Variants in HYCC2 observed in about 807,000 individuals in gnomAD.
HYCC2 encodes hyccin PI4KA lipid kinase complex subunit 2.
the HYCC2 span, among the ~76,000 whole-genome samples, chr2:201,015,391 C>T: frequency 2.0e-5 from 3 of 151,954 alleles, no homozygotes; most frequent in African/African-American, 7.3e-5. Flanking sequence ...GTTTTTCTCC[C>T]CCTAGTTTCC....
the HYCC2 span, among the ~76,000 whole-genome samples, chr2:201,012,882 T>C: frequency 2.0e-5 from 3 of 148,494 alleles, no homozygotes; most frequent in Admixed American, 6.7e-5. Flanking sequence ...GAGGCAGAGG[T>C]TGCAGTGAGC....
the HYCC2 span, among the ~76,000 whole-genome samples, chr2:200,984,191 C>T: frequency 6.6e-6 from 1 of 151,934 alleles, no homozygotes; most frequent in African/African-American, 2.4e-5. Context: ...AGGCATCTGC[C>T]ACCATGCTTG....
At chr2:200,986,716 T>C in the HYCC2 span, among the ~76,000 whole-genome samples, 2 of 152,306 alleles carry the variant, frequency 1.3e-5, no homozygotes, top group African/African-American at 4.8e-5. Context: ...TTACAATAAA[T>C]TGTAAAATGT....
the HYCC2 span, among the ~76,000 whole-genome samples, chr2:201,026,459 C>T: frequency 1.3e-5 from 2 of 152,172 alleles, no homozygotes; most frequent in Admixed American, 1.3e-4. Context: ...CTGCACCAAG[C>T]ACACCTAATA....
chr2:201,057,622 G>A, the HYCC2 span, among the ~76,000 whole-genome samples: 1,724 of 152,222 alleles, frequency 0.011, 17 homozygotes, highest in Non-Finnish European at 0.017. Context: ...GCACAAATAA[G>A]CTAGAAGAAC....
At chr2:200,988,356 T>A in the HYCC2 span, 1 of 1,613,846 alleles carries the variant, frequency 6.2e-7, no homozygotes, top group Non-Finnish European at 8.5e-7. Flanking sequence ...CTTTAAGGAC[T>A]TTCTGGCCTT....
At chr2:200,991,087 G>A in the HYCC2 span, among the ~76,000 whole-genome samples, 3 of 152,270 alleles carry the variant, frequency 2.0e-5, no homozygotes, top group African/African-American at 7.2e-5. Flanking sequence ...TTTTTACATA[G>A]AATGAAATAT....
the HYCC2 span, among the ~76,000 whole-genome samples, chr2:201,009,882 T>C: frequency 3.3e-5 from 5 of 151,658 alleles, no homozygotes; most frequent in Admixed American, 6.6e-5. Context: ...GGTGGGCAGA[T>C]CAAGAGGTCA....
At chr2:201,010,295 T>G in the HYCC2 span, among the ~76,000 whole-genome samples, 3 of 152,152 alleles carry the variant, frequency 2.0e-5, no homozygotes, top group African/African-American at 7.2e-5. Context: ...CGGAATTAAT[T>G]AAGCAAATTA....
At chr2:201,035,372 C>G in the HYCC2 span, among the ~76,000 whole-genome samples, 7 of 152,016 alleles carry the variant, frequency 4.6e-5, no homozygotes, top group African/African-American at 1.5e-4. Context: ...TCACTGATAC[C>G]CTTTCTTCCA....
the HYCC2 span, among the ~76,000 whole-genome samples, chr2:200,990,453 G>A: frequency 2.0e-5 from 3 of 152,052 alleles, no homozygotes; most frequent in African/African-American, 7.2e-5. Flanking sequence ...CCAGGCTAGA[G>A]TGCAGTAGCA....
At chr2:201,018,428 A>T in the HYCC2 span, among the ~76,000 whole-genome samples, 1 of 152,216 alleles carries the variant, frequency 6.6e-6, no homozygotes, top group Non-Finnish European at 1.5e-5. Context: ...ATGCATATAC[A>T]TTTGGAAATC....
At chr2:201,025,597 G>C in the HYCC2 span, among the ~76,000 whole-genome samples, 2 of 152,198 alleles carry the variant, frequency 1.3e-5, no homozygotes, top group Non-Finnish European at 2.9e-5. Context: ...GAATTAAGGG[G>C]AGTAGAAAGA....
At chr2:201,031,591 C>T in the HYCC2 span, among the ~76,000 whole-genome samples, 3 of 152,084 alleles carry the variant, frequency 2.0e-5, no homozygotes, top group African/African-American at 4.8e-5. Flanking sequence ...GCGGAGGTTG[C>T]GGTGAGCCGA....
At chr2:201,030,639 C>T in the HYCC2 span, among the ~76,000 whole-genome samples, 4 of 149,736 alleles carry the variant, frequency 2.7e-5, no homozygotes, top group Admixed American at 6.7e-5. Flanking sequence ...AACACAGTGG[C>T]GAGATCTTGG....
At chr2:201,012,067 CTTTT>C in the HYCC2 span, among the ~76,000 whole-genome samples, 1 of 150,918 alleles carries the variant, frequency 6.6e-6, no homozygotes, top group Non-Finnish European at 1.5e-5. Flanking sequence ...ATAGTTATCC[CTTTT>C]TTTTTAAATG....
chr2:201,070,135 G>C, the HYCC2 span, among the ~76,000 whole-genome samples: 2 of 151,810 alleles, frequency 1.3e-5, no homozygotes. Context: ...TTTTTATGTC[G>C]TTTGCCCTTC....
the HYCC2 span, among the ~76,000 whole-genome samples, chr2:201,032,203 C>A: frequency 6.6e-6 from 1 of 152,164 alleles, no homozygotes; most frequent in Non-Finnish European, 1.5e-5. Flanking sequence ...TTCAAGTGAT[C>A]AGTCTGCCTT....
the HYCC2 span, among the ~76,000 whole-genome samples, chr2:201,040,580 C>T: frequency 6.6e-6 from 1 of 151,836 alleles, no homozygotes; most frequent in African/African-American, 2.4e-5. Flanking sequence ...CCTCCACCTC[C>T]CAGATTCAAG....
Sources: gnomAD v4.1 joint callset for allele counts (sites outside exome capture counted in the v4.1 genomes callset) on GRCh38, gnomAD v4.1.1 for gene constraint, MANE v1.5 for transcripts, NCBI Gene and HGNC (gene_info 2026-07-23, HGNC 2026-07-21) for gene names.